Variants in EVL observed in about 807,000 individuals in gnomAD.
The protein encoded by EVL is ena/VASP-like protein.
EVL carries 21 observed loss-of-function variants against 59.6 expected under a neutral mutation model. That is an observed-to-expected ratio of 0.35 (90% CI 0.25 to 0.51). EVL has a LOEUF of 0.51. Ranked by LOEUF, EVL falls within the 20% of genes least tolerant of loss-of-function variation. EVL has a pLI of 0.97. For synonymous variants in EVL, 198 were observed against 203.5 expected (o/e 0.97, Z 0.23); for missense variants, 462 against 546.6 (o/e 0.85, Z 1.54).
rs1886803843 is a variant in EVL, at chr14:100,109,436, C to T, written c.358+11778C>T. On this transcript the variant is annotated intron_variant, in intron 3 of 13. Coordinates refer to ENST00000392920, the MANE Select transcript of EVL (RefSeq NM_016337.3). The surrounding 1 kb of genome is among the most constrained non-coding windows in gnomAD (Gnocchi z 4.3). ...TTGTTTGGACCCTGGGTTTGTTTGT[C>T]TAGACTGTGAGCTCCTCGAGGGCAG... is the stretch of plus-strand genomic sequence containing the variant. The T allele has an allele frequency of 5.2e-6, 2 of 384,178 alleles. No homozygotes were observed. Among genetic ancestry groups the T allele is most frequent in the African/African-American group, 2.1e-5 (1 of 47,526 alleles). 23.8% of individuals were successfully genotyped at this position (384,178 alleles called of 1,614,324 possible).
intron 2 of EVL, among the ~76,000 whole-genome samples, chr14:100,089,683 G>A (rs1261178355): frequency 6.6e-6 from 1 of 152,218 alleles, no homozygotes; most frequent in Non-Finnish European, 1.5e-5. Flanking sequence ...CATTTTGGGA[G>A]GCCAATGAGG....
In EVL at chr14:100,143,756, G is replaced by A. The variant is rs368271037; in HGVS notation, c.*18G>A. 7.0e-5 allele frequency: 112 copies of A among 1,610,592 alleles called. No individual in the cohort carries two copies. The highest frequency in any genetic ancestry group is 4.0e-4 in the South Asian group (36 of 90,844). ...CCACGTAAGGGGCCGGCCTCGCTGC[G>A]CTGATTCGTCGAGCCCATCCGGCGA... On this transcript the variant is annotated 3_prime_UTR_variant, in exon 14 of 14. Coordinates refer to ENST00000392920, the MANE Select transcript of EVL (RefSeq NM_016337.3).
At chr14:99,987,513 A>C (rs1300572030) in intron 1 of EVL, among the ~76,000 whole-genome samples, 3 of 152,174 alleles carry the variant, frequency 2.0e-5, no homozygotes, top group African/African-American at 7.2e-5. Flanking sequence ...ATGGTGGCAC[A>C]CGCCTGTAAT....
chr14:100,090,720 C>G (rs967131743), intron 2 of EVL, among the ~76,000 whole-genome samples: 1 of 152,170 alleles, frequency 6.6e-6, no homozygotes, highest in African/African-American at 2.4e-5. Context: ...AGTATCCCTT[C>G]ATGATAAAAA....
intron 1 of EVL, among the ~76,000 whole-genome samples, chr14:100,003,621 T>C (rs929670495): frequency 1.3e-5 from 2 of 152,266 alleles, no homozygotes; most frequent in East Asian, 3.9e-4. Context: ...TTCACCATGT[T>C]GGCCATGCTG....
upstream of EVL, among the ~76,000 whole-genome samples, chr14:100,062,094 T>C (rs191587311): frequency 2.3e-4 from 35 of 151,890 alleles, no homozygotes; most frequent in Admixed American, 2.3e-3. Context: ...GCTGTAATCA[T>C]ACCACTGTAC....
At chr14:100,091,728 G>C (rs2062568283) in intron 2 of EVL, among the ~76,000 whole-genome samples, 1 of 152,184 alleles carries the variant, frequency 6.6e-6, no homozygotes, top group East Asian at 1.9e-4. Flanking sequence ...ACCCAAGGCA[G>C]GGGTCATGAT....
intron 1 of EVL, among the ~76,000 whole-genome samples, chr14:100,023,157 TG>T (rs1191420901): frequency 6.6e-6 from 1 of 152,012 alleles, no homozygotes; most frequent in African/African-American, 2.4e-5. Flanking sequence ...CTGTTCTAGC[TG>T]GCTCTTGGGG....
chr14:100,092,739 A>C lies in EVL; in HGVS notation c.181-4742A>C, dbSNP rs574524254. On this transcript the variant is annotated intron_variant, in intron 2 of 13. Transcript: ENST00000392920. ...GACAGGAGCGAAACTCCATCTCAAA[A>C]AAACAAACAAACAAACAAAAAGAAT... 8.5e-5 allele frequency among the ~76,000 whole-genome samples: 13 copies of C among 152,314 alleles called. No individual in the cohort carries two copies. The South Asian group carries it at 1.2e-3, about 15-fold the overall frequency.
chr14:100,012,688 G>A (rs992716236), intron 1 of EVL, among the ~76,000 whole-genome samples: 12 of 152,114 alleles, frequency 7.9e-5, no homozygotes, highest in African/African-American at 2.7e-4. Context: ...ATGAGGCAAG[G>A]GCCCCCCTTT....
intron 3 of EVL, among the ~76,000 whole-genome samples, chr14:100,119,338 CAGGCCCCT>C (rs1887548449): frequency 6.6e-6 from 1 of 152,162 alleles, no homozygotes; most frequent in Non-Finnish European, 1.5e-5. Context: ...GTGAATGGGC[CAGGCCCCT>C]GCCTCGGCAA....
At chr14:100,055,460 T>C (rs1288604682) in intron 1 of EVL, among the ~76,000 whole-genome samples, 3 of 152,204 alleles carry the variant, frequency 2.0e-5, no homozygotes, top group Non-Finnish European at 4.4e-5. Context: ...ATATATACAG[T>C]AACATTTTTC....
chr14:100,004,425 A>C (rs185006449), intron 1 of EVL, among the ~76,000 whole-genome samples: 1 of 152,360 alleles, frequency 6.6e-6, no homozygotes, highest in African/African-American at 2.4e-5. Flanking sequence ...TATTAAGAGT[A>C]AATCAATCCC....
At chr14:99,982,287 CTAAATATTCTTTGAAAACAGT>C (rs2060812144) in intron 1 of EVL, among the ~76,000 whole-genome samples, 1 of 152,070 alleles carries the variant, frequency 6.6e-6, no homozygotes, top group Admixed American at 6.5e-5. Context: ...TTGAAAACAG[CTAAATATTCTTTGAAAACAGT>C]TAAAATAGCT....
intron 1 of EVL, among the ~76,000 whole-genome samples, chr14:99,994,278 T>C (rs1405914099): frequency 6.6e-6 from 1 of 152,120 alleles, no homozygotes. Context: ...AAGTAATTAC[T>C]GATTGGGAAG....
intron 1 of EVL, among the ~76,000 whole-genome samples, chr14:100,078,078 A>T (rs2062205875): frequency 6.6e-6 from 1 of 152,208 alleles, no homozygotes; most frequent in South Asian, 2.1e-4. Flanking sequence ...CCGGCCATGC[A>T]TACAATTTTG....
chr14:100,000,398 A>G (rs1391770316), intron 1 of EVL, among the ~76,000 whole-genome samples: 1 of 126,096 alleles, frequency 7.9e-6, no homozygotes, highest in Non-Finnish European at 1.5e-5. Context: ...CCCAGGCTGG[A>G]GTGCAGTGGC....
At chr14:100,005,841 G>A (rs545959104) in intron 1 of EVL, among the ~76,000 whole-genome samples, 4 of 152,026 alleles carry the variant, frequency 2.6e-5, no homozygotes, top group South Asian at 4.2e-4. Flanking sequence ...AGGCTGTCCC[G>A]GTGGAAAAAA....
At chr14:100,091,764 G>A (rs1017950884) in intron 2 of EVL, among the ~76,000 whole-genome samples, 7 of 152,256 alleles carry the variant, frequency 4.6e-5, no homozygotes, top group South Asian at 2.1e-4. Flanking sequence ...CCCGTGGGTC[G>A]GAAGCACAAG....
Sources: gnomAD v4.1 joint callset for allele counts (sites outside exome capture counted in the v4.1 genomes callset) on GRCh38, gnomAD v4.1.1 for gene constraint, Gnocchi (gnomAD v3.1) non-coding constraint, MANE v1.5 for transcripts, NCBI Gene and HGNC (gene_info 2026-07-23, HGNC 2026-07-21) for gene names.